GSG1: variants seen among roughly 807,000 people sequenced by gnomAD.
The protein encoded by GSG1 is germ cell associated 1.
GSG1 carries 28 observed loss-of-function variants against 30.8 expected under a neutral mutation model. The observed-to-expected ratio is 0.91, with a 90% confidence interval of 0.67 to 1.25. GSG1 has a LOEUF of 1.25. Ranked by LOEUF, GSG1 falls within the 50% of genes most tolerant of loss-of-function variation. The pLI is 0.00. For synonymous variants in GSG1, 162 were observed against 178.0 expected (o/e 0.91, Z 0.71); for missense variants, 435 against 444.7 (o/e 0.98, Z 0.20).
chr12:13,089,555 G>T (rs1433314242), intron 2 of GSG1, among the ~76,000 whole-genome samples: 1 of 152,194 alleles, frequency 6.6e-6, no homozygotes, highest in African/African-American at 2.4e-5. Context: ...CTGAGGGGCA[G>T]GAGACCTGGC....
chr12:13,095,621 CA>C (rs1204049950), intron 1 of GSG1: 1 of 1,614,082 alleles, frequency 6.2e-7, no homozygotes, highest in Non-Finnish European at 8.5e-7. Flanking sequence ...CAGCGTCTTG[CA>C]GCTTGTCTGG....
rs973681727 is a variant in GSG1 at position 13,093,984 on chromosome 12, T to C, written c.49-3166A>G. On this transcript the variant is annotated intron_variant, in intron 1 of 6. Transcript: ENST00000651961. This position sits in a 1 kb window ranked among gnomAD's most constrained non-coding sequence, Gnocchi z 4.6. ...AGAGCAGTTTATACAGTTATATTAA[T>C]GCACATGGAACAGAAAAGAAGCCCA... Among the ~76,000 whole-genome samples, 3 of 152,240 alleles carry C rather than the reference T, an allele frequency of 2.0e-5. No individual in the cohort carries two copies. Among genetic ancestry groups the C allele is most frequent in the African/African-American group, 4.8e-5 (2 of 41,462 alleles).
chr12:13,084,956 G>GC lies in GSG1; in HGVS notation c.1033dup (p.Ala345GlyfsTer10). ...AACTGCTTCTTTCAGCTCCTGGCTG[G>GC]CCCCTCTTTGAAATCCCTTGTTCCG... On this transcript the variant is annotated frameshift_variant, in exon 7 of 7. Coordinates refer to ENST00000651961, the MANE Select transcript of GSG1 (RefSeq NM_001080555.4). LOFTEE classifies it low-confidence loss of function (END_TRUNC). 6.4e-7 allele frequency: 1 copy of GC among 1,551,830 alleles called. No individual in the cohort carries two copies. Among genetic ancestry groups the GC allele is most frequent in the Non-Finnish European group, 8.7e-7 (1 of 1,147,028 alleles).
chr12:13,086,805 A>G (rs916053006), intron 6 of GSG1, among the ~76,000 whole-genome samples: 1 of 152,188 alleles, frequency 6.6e-6, no homozygotes, highest in African/African-American at 2.4e-5. Flanking sequence ...TGAATCATAA[A>G]AAAAAGAAAA....
At chr12:13,088,201 G>T in intron 4 of GSG1, 142 bp from the exon 5 acceptor site, 1 of 840,618 alleles carries the variant, frequency 1.2e-6, no homozygotes, top group Non-Finnish European at 1.8e-6. Flanking sequence ...AAACCAGGGA[G>T]GAACATTACT....
chr12:13,092,461 AC>A (rs1460747230), intron 1 of GSG1, among the ~76,000 whole-genome samples: 1 of 152,110 alleles, frequency 6.6e-6, no homozygotes, highest in Non-Finnish European at 1.5e-5. Flanking sequence ...TCTGAGGCTC[AC>A]CCCAAGTCCC....
rs1021705689 is a variant in GSG1 at position 13,101,517 on chromosome 12, A to G, written c.48+1948T>C. Among the ~76,000 whole-genome samples, 1 of 152,138 alleles carries G rather than the reference A, an allele frequency of 6.6e-6. No individual in the cohort carries two copies. The highest frequency in any genetic ancestry group is 1.5e-5 in the Non-Finnish European group (1 of 68,012). On this transcript the variant is annotated intron_variant, in intron 1 of 6. Coordinates refer to ENST00000651961, the MANE Select transcript of GSG1 (RefSeq NM_001080555.4). The surrounding 1 kb of genome is among the most constrained non-coding windows in gnomAD (Gnocchi z 5.8). ...AGAGCAGGGACTGCCAGGGCAGGCC[A>G]GGGACCCGGCGAGCCGCGGAGGGCG...
chr12:13,098,437 G>A (rs1348998329), intron 1 of GSG1, among the ~76,000 whole-genome samples: 2 of 120,508 alleles, frequency 1.7e-5, no homozygotes, highest in African/African-American at 6.1e-5. Context: ...GAGTCTTGTA[G>A]GATTGTTTCA....
rs1036747010 is a variant in GSG1 at position 13,101,043 on chromosome 12, G to T, written c.48+2422C>A. On this transcript the variant is annotated intron_variant, in intron 1 of 6. Transcript: ENST00000651961. This position sits in a 1 kb window ranked among gnomAD's most constrained non-coding sequence, Gnocchi z 5.8. ...GCAGTCATTTCCAGGAGAGGAAGCCGCCTTTCTTCCAGGCCCCAAGCAGCT... is the reference window on the plus strand; with the variant it reads ...GCAGTCATTTCCAGGAGAGGAAGCCTCCTTTCTTCCAGGCCCCAAGCAGCT... 6.6e-6 allele frequency among the ~76,000 whole-genome samples: 1 copy of T among 152,216 alleles called. No homozygotes were observed. The highest frequency in any genetic ancestry group is 1.5e-5 in the Non-Finnish European group (1 of 68,036).
At chr12:13,103,164 C>T (rs1464684952) in intron 1 of GSG1, among the ~76,000 whole-genome samples, 1 of 152,014 alleles carries the variant, frequency 6.6e-6, no homozygotes, top group Non-Finnish European at 1.5e-5. Flanking sequence ...GCATAGGGAG[C>T]CCTGGGAACA....
rs75744933 is a variant in GSG1 at position 13,090,582 on chromosome 12, C to A, written c.285G>T (p.Glu95Asp). The change falls in exon 2 of 7, where the codon GAG (glutamate) becomes GAT (aspartate). Residue 95 changes from glutamate to aspartate, a missense_variant. By Grantham distance (45) the Glu-to-Asp change is conservative. Transcript: ENST00000651961. ...GGAAGGAGAACCGGTCATCCCCAGT[C>A]TCCCAGTTGTATTGTACCACCTCCT... is the stretch of plus-strand genomic sequence containing the variant. ...STQEVVQYNW[E>D]TGDDRFSFRS... 1,539 of 1,614,258 alleles carry A rather than the reference C, an allele frequency of 9.5e-4. 13 individuals are homozygous for A. In the African/African-American group the frequency reaches 0.017, roughly 18 times the overall value.
chr12:13,089,701 A>G (rs1242371380), intron 2 of GSG1, among the ~76,000 whole-genome samples: 2 of 152,204 alleles, frequency 1.3e-5, no homozygotes, highest in Non-Finnish European at 2.9e-5. Flanking sequence ...AAGAGGCTGT[A>G]AGATGATCTG....
intron 2 of GSG1, 117 bp downstream of exon 2, chr12:13,090,386 A>C: frequency 1.2e-6 from 1 of 863,128 alleles, no homozygotes; most frequent in Non-Finnish European, 1.8e-6. Flanking sequence ...GGGTGTGGGC[A>C]GTGCTGCACT....
intron 5 of GSG1, among the ~76,000 whole-genome samples, chr12:13,087,558 A>G (rs915827002): frequency 6.6e-6 from 1 of 152,062 alleles, no homozygotes; most frequent in Non-Finnish European, 1.5e-5. Context: ...CCACACCCCA[A>G]TGTTGGCTTA....
At position 13,093,427 on chromosome 12, in the gene GSG1, G is replaced by A. The variant is rs144865848; in HGVS notation, c.49-2609C>T. On this transcript the variant is annotated intron_variant, in intron 1 of 6. Coordinates refer to ENST00000651961, the MANE Select transcript of GSG1 (RefSeq NM_001080555.4). The surrounding 1 kb of genome is among the most constrained non-coding windows in gnomAD (Gnocchi z 4.6). ...AATGAATATTAAACTGGAAATCTCC[G>A]GGGGAAGCAGATGGATGCTTTGGGG... 1.6e-3 allele frequency among the ~76,000 whole-genome samples: 248 copies of A among 152,266 alleles called. 1 individual carries two copies. The highest frequency in any genetic ancestry group is 5.8e-3 in the African/African-American group (240 of 41,558).
rs144390418 is a variant in GSG1, at chr12:13,084,838, A to G, written c.*63T>C. The G allele has an allele frequency of 3.3e-5, 36 of 1,080,870 alleles. No individual in the cohort carries two copies. The highest frequency in any genetic ancestry group is 2.3e-4 in the Admixed American group (9 of 39,370). The allele number at this position is 1,080,870 out of a possible 1,614,324, so 67.0% of individuals were successfully genotyped here. ...AAGAGACGGATGTTGGCTTAAGCAC[A>G]TGTTGATAATCAGCAGACGTGTAAG... On this transcript the variant is annotated 3_prime_UTR_variant, in exon 7 of 7. Coordinates refer to ENST00000651961, the MANE Select transcript of GSG1 (RefSeq NM_001080555.4).
Position 13,085,167 on chromosome 12 carries a change from C to T in GSG1, c.823G>A (p.Glu275Lys). ...CTCTTACTATGCTTGCACTTGAACT[C>T]CAGCACCATCCTGGTGTACGTGTTG... ...TFNTYTRMVL[E>K]FKCKHSKSFK... The change falls in exon 7 of 7, where the codon GAG (glutamate) becomes AAG (lysine). Residue 275 changes from glutamate to lysine, a missense_variant. By Grantham distance (56) the Glu-to-Lys change is moderately conservative. Coordinates refer to ENST00000651961, the MANE Select transcript of GSG1 (RefSeq NM_001080555.4). 6.2e-7 allele frequency: 1 copy of T among 1,614,058 alleles called. No homozygotes were observed. Among genetic ancestry groups the T allele is most frequent in the Non-Finnish European group, 8.5e-7 (1 of 1,179,958 alleles).
intron 6 of GSG1, among the ~76,000 whole-genome samples, chr12:13,085,563 C>T (rs549607867): frequency 1.6e-4 from 24 of 151,992 alleles, no homozygotes; most frequent in South Asian, 2.1e-4. Flanking sequence ...TCCTGTTTCC[C>T]AAGCTGCATT....
rs189159052 is a variant in GSG1, at chr12:13,084,820, G to T, written c.*81C>A. On this transcript the variant is annotated 3_prime_UTR_variant, in exon 7 of 7. Coordinates refer to ENST00000651961, the MANE Select transcript of GSG1 (RefSeq NM_001080555.4). Reference sequence around the variant, plus strand: ...CCTCTAAAAACCATGCTCAAGAGACGGATGTTGGCTTAAGCACATGTTGAT... The same window carrying T: ...CCTCTAAAAACCATGCTCAAGAGACTGATGTTGGCTTAAGCACATGTTGAT... 1.1e-6 allele frequency: 1 copy of T among 895,856 alleles called. No homozygotes were observed. Among genetic ancestry groups the T allele is most frequent in the Non-Finnish European group, 1.7e-6 (1 of 587,894 alleles). 55.5% of individuals were successfully genotyped at this position (895,856 alleles called of 1,614,324 possible).
Sources: allele counts gnomAD v4.1 joint callset (sites outside exome capture counted in the v4.1 genomes callset), GRCh38; gene constraint gnomAD v4.1.1; non-coding constraint Gnocchi (gnomAD v3.1); transcripts MANE v1.5; gene names NCBI Gene and HGNC (gene_info 2026-07-23, HGNC 2026-07-21).